The following ZNF28 variants were observed in gnomAD, a reference collection of about 807,000 sequenced individuals.
ZNF28 encodes zinc finger protein 28.
ZNF28 carries 5 observed loss-of-function variants against 7.2 expected under a neutral mutation model. The observed-to-expected ratio is 0.70, with a 90% CI of 0.36 to 1.46. The LOEUF (loss-of-function observed/expected upper bound fraction) is 1.46. Ranked by LOEUF, ZNF28 falls within the 40% of genes most tolerant of loss-of-function variation. ZNF28 has a pLI of 0.03. For missense variants in ZNF28, 879 were observed against 866.6 expected, an observed-to-expected ratio of 1.01 and a Z score of -0.18; for synonymous variants, 288 against 292.4, an observed-to-expected ratio of 0.99 and a Z score of 0.15.
rs1172865699 is a variant in ZNF28, at chr19:52,800,605, T to C, written c.1240A>G (p.Lys414Glu). ...IHTGEKPYKCKVCDKAFAYNS... is the reference protein window; with the variant it reads ...IHTGEKPYKCEVCDKAFAYNS... The stretch of plus-strand genomic sequence containing the variant: ...TATGCAAAAGCCTTGTCACAAACCT[T>C]ACATTTGTATGGTTTCTCTCCAGTA... The change falls in exon 4 of 4, where the codon AAG becomes GAG. Residue 414 changes from lysine to glutamate, a missense_variant. Physicochemically the swap from Lys to Glu is moderately conservative, Grantham distance 56. This residue lies in a region of ZNF28 where 864 missense variants were observed against 830.2 expected (regional missense o/e 1.04). Transcript: ENST00000457749. The C allele has an allele frequency of 1.2e-6, 2 of 1,614,028 alleles. No individual in the cohort carries two copies. Among genetic ancestry groups the C allele is most frequent in the Non-Finnish European group, 1.7e-6 (2 of 1,179,974 alleles).
At chr19:52,809,520 A>G (rs921690372) in intron 2 of ZNF28, among the ~76,000 whole-genome samples, 1 of 152,178 alleles carries the variant, frequency 6.6e-6, no homozygotes, top group Non-Finnish European at 1.5e-5. Flanking sequence ...AAACATAACT[A>G]TTATGGGCCT....
chr19:52,807,211 C>G lies in ZNF28; in HGVS notation c.142+796G>C, dbSNP rs113184987. On this transcript the variant is annotated intron_variant, in intron 3 of 3. Coordinates refer to ENST00000457749, the MANE Select transcript of ZNF28 (RefSeq NM_006969.5). ...GAGACAGCAGGTCAGAAAGAGACTC[C>G]TGCTTATAAAAAGAAAGGACCATAA... Among the ~76,000 whole-genome samples the G allele has an allele frequency of 2.5e-3, 368 of 149,936 alleles. 1 individual carries two copies. The highest frequency in any genetic ancestry group is 8.5e-3 in the African/African-American group (348 of 40,846).
chr19:52,810,219 G>A (rs780955069), intron 2 of ZNF28: 17 of 1,121,332 alleles, frequency 1.5e-5, no homozygotes, highest in Non-Finnish European at 1.6e-5. Context: ...ACAGAACGAC[G>A]TAGAGAAGCA....
chr19:52,808,132 C>T lies in ZNF28; in HGVS notation c.17G>A (p.Gly6Asp). 1 of 1,612,912 alleles carries T rather than the reference C, an allele frequency of 6.2e-7. No individual in the cohort carries two copies. Among genetic ancestry groups the T allele is most frequent in the Non-Finnish European group, 8.5e-7 (1 of 1,179,264 alleles). ...GGCCACGTCCCTGAATGTCAATAGA[C>T]CCTGAAATGGAAACACATTTTAACC... is the stretch of plus-strand genomic sequence containing the variant. MALPQ[G>D]LLTFRDVAIE... The change falls in exon 3 of 4, where the codon GGT (glycine) becomes GAT (aspartate). Residue 6 changes from glycine to aspartate, a missense_variant and splice_region_variant. Transcript: ENST00000457749.
At chr19:52,819,680 T>C (rs2063171346) in intron 1 of ZNF28, among the ~76,000 whole-genome samples, 1 of 141,098 alleles carries the variant, frequency 7.1e-6, no homozygotes, top group Non-Finnish European at 1.5e-5. Flanking sequence ...CATGGGGGCC[T>C]GGAAGGGCTA....
At chr19:52,808,901 A>G (rs1360116553) in intron 2 of ZNF28, among the ~76,000 whole-genome samples, 1 of 152,208 alleles carries the variant, frequency 6.6e-6, no homozygotes, top group African/African-American at 2.4e-5. Flanking sequence ...TAAAACCTAG[A>G]GACTCACAAA....
At chr19:52,815,450 G>A (rs765808745) in intron 2 of ZNF28, among the ~76,000 whole-genome samples, 2 of 145,740 alleles carry the variant, frequency 1.4e-5, no homozygotes, top group Non-Finnish European at 3.0e-5. Context: ...CCGGGAGGTA[G>A]AGGTTGCAGT....
intron 2 of ZNF28, among the ~76,000 whole-genome samples, chr19:52,809,293 A>G (rs371467751): frequency 6.6e-6 from 1 of 152,326 alleles, no homozygotes; most frequent in African/African-American, 2.4e-5. Flanking sequence ...CACTCTTTAT[A>G]CAGGGAAAAG....
At chr19:52,806,773 G>A (rs2062942342) in intron 3 of ZNF28, among the ~76,000 whole-genome samples, 1 of 151,894 alleles carries the variant, frequency 6.6e-6, no homozygotes, top group Non-Finnish European at 1.5e-5. Context: ...ATGGTGGTGA[G>A]CGCCTGCAGT....
At chr19:52,809,458 A>G (rs1438689295) in intron 2 of ZNF28, among the ~76,000 whole-genome samples, 2 of 152,224 alleles carry the variant, frequency 1.3e-5, no homozygotes, top group Non-Finnish European at 1.5e-5. Flanking sequence ...AGAAGAAAAT[A>G]GACACTGGCG....
chr19:52,817,755 C>T (rs1261668240), intron 2 of ZNF28, among the ~76,000 whole-genome samples, 189 bp downstream of exon 2: 1 of 152,120 alleles, frequency 6.6e-6, no homozygotes, highest in African/African-American at 2.4e-5. Context: ...GCAGCCTCTC[C>T]CATGTTCATG....
chr19:52,800,865 T>C lies in ZNF28; in HGVS notation c.980A>G (p.Tyr327Cys). The C allele has an allele frequency of 1.2e-6, 2 of 1,614,098 alleles. No homozygotes were observed. Among genetic ancestry groups the C allele is most frequent in the Non-Finnish European group, 1.7e-6 (2 of 1,179,954 alleles). The change falls in exon 4 of 4, where the codon TAC becomes TGC. Residue 327 changes from tyrosine to cysteine, a missense_variant. By Grantham distance (194) the Tyr-to-Cys change is radical (BLOSUM62 -2). Around this residue, in one of 2 missense-constraint regions of ZNF28, gnomAD observed 864 missense variants for 830.2 expected, o/e 1.04. Coordinates refer to ENST00000457749, the MANE Select transcript of ZNF28 (RefSeq NM_006969.5). ...HKIIYTGGKP[Y>C]KCKVCDKAFT... is the part of the protein sequence containing the mutation. ...AGCTTTGTCACAAACCTTACATTTG[T>C]ATGGTTTCCCTCCAGTATAAATTAT...
At chr19:52,815,608 A>G (rs2063113260) in intron 2 of ZNF28, among the ~76,000 whole-genome samples, 2 of 146,618 alleles carry the variant, frequency 1.4e-5, no homozygotes, top group African/African-American at 2.6e-5. Context: ...GCGAATCATG[A>G]GGTCAGGAGA....
chr19:52,806,738 C>T (rs890607561), intron 3 of ZNF28, among the ~76,000 whole-genome samples: 1 of 151,806 alleles, frequency 6.6e-6, no homozygotes, highest in Non-Finnish European at 1.5e-5. Context: ...ACTGTCTCTA[C>T]TAAAAACACA....
Position 52,798,834 on chromosome 19 carries a change from G to T in ZNF28, c.*854C>A. 1 of 1,087,536 alleles carries T rather than the reference G, an allele frequency of 9.2e-7. No individual in the cohort carries two copies. Among genetic ancestry groups the T allele is most frequent in the South Asian group, 1.3e-5 (1 of 79,940 alleles). The allele number at this position is 1,087,536 out of a possible 1,614,324, so 67.4% of individuals were successfully genotyped here. ...GTTGTAGCATTACTGAAAACTTTGT[G>T]ACAATCATTATATTAGTCAAGTTTC... On this transcript the variant is annotated 3_prime_UTR_variant, in exon 4 of 4. Coordinates refer to ENST00000457749, the MANE Select transcript of ZNF28 (RefSeq NM_006969.5).
intron 2 of ZNF28, among the ~76,000 whole-genome samples, chr19:52,808,898 T>TAC (rs796791847): frequency 6.6e-6 from 1 of 152,074 alleles, no homozygotes; most frequent in African/African-American, 2.4e-5. Context: ...TAATAAAACC[T>TAC]AGAGACTCAC....
intron 2 of ZNF28, chr19:52,809,696 C>G (rs531653412): frequency 6.4e-5 from 24 of 376,260 alleles, no homozygotes; most frequent in African/African-American, 3.9e-4. Context: ...ATCTCAGCTA[C>G]TCGAGAGGCT....
intron 1 of ZNF28, among the ~76,000 whole-genome samples, chr19:52,820,346 T>C (rs1261256805): frequency 7.3e-6 from 1 of 136,672 alleles, no homozygotes; most frequent in Non-Finnish European, 1.5e-5. Flanking sequence ...CTCGATCTCC[T>C]GACCTCATGA....
In ZNF28 at chr19:52,799,343, C is replaced by G. The variant is rs900446086; in HGVS notation, c.*345G>C. ...TATATTCAAAAATCTTGTCATAAAC[C>G]TTACATCTGTGTGGTTTCTCTTCAG... On this transcript the variant is annotated 3_prime_UTR_variant, in exon 4 of 4. Coordinates refer to ENST00000457749, the MANE Select transcript of ZNF28 (RefSeq NM_006969.5). 2.0e-6 allele frequency: 1 copy of G among 499,928 alleles called. No individual in the cohort carries two copies. The highest frequency in any genetic ancestry group is 3.7e-5 in the East Asian group (1 of 26,730). The allele number at this position is 499,928 out of a possible 1,614,324, so 31.0% of individuals were successfully genotyped here.
Sources: gnomAD v4.1 joint callset for allele counts (sites outside exome capture counted in the v4.1 genomes callset) on GRCh38, gnomAD v4.1.1 for gene constraint, gnomAD v4.1.1 regional missense constraint, MANE v1.5 for transcripts, NCBI Gene and HGNC (gene_info 2026-07-23, HGNC 2026-07-21) for gene names.